The following WASF2 variants were observed in gnomAD, a reference collection of about 807,000 sequenced individuals.
WASF2 encodes the protein actin-binding protein WASF2.
Under a neutral mutation model 45.0 loss-of-function variants are expected in WASF2, and 14 were observed. The observed-to-expected ratio is 0.31, with a 90% CI of 0.21 to 0.49. The LOEUF is 0.49. Ranked by LOEUF, WASF2 falls within the 20% of genes least tolerant of loss-of-function variation. The pLI is 0.99. For synonymous variants in WASF2, 200 were observed against 236.3 expected, an observed-to-expected ratio of 0.85 and a Z score of 1.41; for missense variants, 439 against 636.1, an observed-to-expected ratio of 0.69 and a Z score of 3.33.
intron 1 of WASF2, among the ~76,000 whole-genome samples, chr1:27,461,827 T>A (rs2017549788): frequency 6.6e-6 from 1 of 151,804 alleles, no homozygotes; most frequent in South Asian, 2.1e-4. Flanking sequence ...TAGGCCTGGT[T>A]ATTTTTTGTA....
At chr1:27,477,534 C>T (rs1028270923) in intron 1 of WASF2, among the ~76,000 whole-genome samples, 6 of 151,782 alleles carry the variant, frequency 4.0e-5, no homozygotes, top group Non-Finnish European at 7.4e-5. Flanking sequence ...AGCAAGACTT[C>T]GTCTCAAAAA....
At chr1:27,465,427 T>C (rs910927324) in intron 1 of WASF2, among the ~76,000 whole-genome samples, 1 of 152,198 alleles carries the variant, frequency 6.6e-6, no homozygotes, top group South Asian at 2.1e-4. Context: ...GGTAACACTA[T>C]TAGCCTAGTT....
rs193023544 is a variant in WASF2 at position 27,465,475 on chromosome 1, A to G, written c.-44+24511T>C. ...TGAACTCAAAGTAACAGCTGCATCT[A>G]AAGAAAAATAACCTACAACACTCTC... On this transcript the variant is annotated intron_variant, in intron 1 of 8. Coordinates refer to ENST00000618852, the MANE Select transcript of WASF2 (RefSeq NM_006990.5). 4.2e-3 allele frequency among the ~76,000 whole-genome samples: 645 copies of G among 152,342 alleles called. 3 individuals are homozygous for G. Among genetic ancestry groups the G allele is most frequent in the Non-Finnish European group, 7.8e-3 (528 of 68,040 alleles).
At chr1:27,428,626 G>T in intron 2 of WASF2, 135 bp downstream of exon 2, 1 of 1,323,258 alleles carries the variant, frequency 7.6e-7, no homozygotes, top group Non-Finnish European at 1.1e-6. Flanking sequence ...CTTTGGGGAG[G>T]AGAGGGAGGA....
At chr1:27,484,760 C>T (rs553583625) in intron 1 of WASF2, among the ~76,000 whole-genome samples, 5 of 148,128 alleles carry the variant, frequency 3.4e-5, no homozygotes, top group South Asian at 4.4e-4. Flanking sequence ...TGCAGTTAGC[C>T]GAGATCACGC....
rs60315426 is a variant in WASF2 at position 27,489,252 on chromosome 1, G to GCACACA, written c.-44+728_-44+733dup. Among the ~76,000 whole-genome samples the GCACACA allele has an allele frequency of 4.9e-3, 392 of 80,280 alleles. 3 individuals are homozygous for GCACACA. Among genetic ancestry groups the GCACACA allele is most frequent in the East Asian group, 0.022 (42 of 1,896 alleles). 52.7% of individuals were successfully genotyped at this position (80,280 alleles called of 152,430 possible). On this transcript the variant is annotated intron_variant, in intron 1 of 8. Coordinates refer to ENST00000618852, the MANE Select transcript of WASF2 (RefSeq NM_006990.5). Reference sequence around the variant, plus strand: ...ACTCTGCAGACTATCCTGTACGCGCGCACACACACACACACACACACACAC... The same window carrying GCACACA: ...ACTCTGCAGACTATCCTGTACGCGCGCACACACACACACACACACACACACACACAC...
intron 4 of WASF2, among the ~76,000 whole-genome samples, chr1:27,416,911 G>C (rs951095542): frequency 2.0e-5 from 3 of 152,194 alleles, no homozygotes; most frequent in African/African-American, 7.2e-5. Context: ...ATGTGCTTAG[G>C]AGTGAACATT....
Position 27,463,953 on chromosome 1 carries a change from T to G in WASF2, c.-44+26033A>C, listed in dbSNP as rs2017582783. On this transcript the variant is annotated intron_variant, in intron 1 of 8. Transcript: ENST00000618852. ...CGCCCGGCTAATTATGTATTCTTAGTAGAGACAGGGTTTCTCCATGTTGGT... is the reference window on the plus strand; with the variant it reads ...CGCCCGGCTAATTATGTATTCTTAGGAGAGACAGGGTTTCTCCATGTTGGT... Among the ~76,000 whole-genome samples the G allele has an allele frequency of 2.0e-5, 3 of 151,624 alleles. No individual in the cohort carries two copies. The South Asian group carries it at 6.2e-4, about 31-fold the overall frequency.
intron 1 of WASF2, among the ~76,000 whole-genome samples, chr1:27,458,275 T>C (rs907077154): frequency 2.1e-4 from 26 of 124,142 alleles, no homozygotes; most frequent in African/African-American, 8.0e-4. Flanking sequence ...ATCGCGTCAC[T>C]GCCCTCCAGC....
At chr1:27,419,144 C>A in intron 2 of WASF2, 56 bp from the exon 3 acceptor site, 8 of 1,593,684 alleles carry the variant, frequency 5.0e-6, no homozygotes, top group East Asian at 2.2e-5. Flanking sequence ...TAAATGGTCA[C>A]AAAAACTGGC....
At chr1:27,413,150 T>C (rs767595309) in intron 6 of WASF2, among the ~76,000 whole-genome samples, 4 of 152,192 alleles carry the variant, frequency 2.6e-5, no homozygotes, top group Non-Finnish European at 4.4e-5. Flanking sequence ...AGACTGATTT[T>C]GAGGTCAGCA....
At chr1:27,486,668 AAT>A (rs1186298949) in intron 1 of WASF2, among the ~76,000 whole-genome samples, 15 of 152,184 alleles carry the variant, frequency 9.9e-5, no homozygotes, top group Non-Finnish European at 1.5e-5. Context: ...TCACGCCTGT[AAT>A]CCCAGCACTT....
intron 1 of WASF2, among the ~76,000 whole-genome samples, chr1:27,478,613 A>G (rs7521438): frequency 0.24 from 36,093 of 151,840 alleles, 7,213 homozygotes; most frequent in African/African-American, 0.54. Flanking sequence ...ATGGAGTTTC[A>G]CTCTTGTTGC....
intron 1 of WASF2, among the ~76,000 whole-genome samples, chr1:27,480,343 C>T (rs1238641450): frequency 2.6e-5 from 4 of 151,586 alleles, no homozygotes; most frequent in Non-Finnish European, 4.4e-5. Flanking sequence ...ATGGTGAAGC[C>T]CCATCTCTAC....
intron 1 of WASF2, among the ~76,000 whole-genome samples, chr1:27,470,153 T>C (rs1350729086): frequency 6.6e-6 from 1 of 152,084 alleles, no homozygotes; most frequent in South Asian, 2.1e-4. Context: ...TTTTGGGAAA[T>C]GAAGATGAGC....
chr1:27,487,650 ATT>A (rs2017960171), intron 1 of WASF2, among the ~76,000 whole-genome samples: 1 of 99,270 alleles, frequency 1.0e-5, no homozygotes, highest in African/African-American at 4.1e-5. Context: ...TATATTATAT[ATT>A]ATATAATATA....
chr1:27,431,065 G>A lies in WASF2; in HGVS notation c.-43-2132C>T, dbSNP rs549990543. Among the ~76,000 whole-genome samples, 12 of 152,282 alleles carry A rather than the reference G, an allele frequency of 7.9e-5. No homozygotes were observed. The East Asian group carries it at 1.9e-3, about 25-fold the overall frequency. Reference sequence around the variant, plus strand: ...TAAAACAGGAAGCCAGCAGCTTGGGGAACAAGATTTCCTGTCACCAACAGC... The same window carrying A: ...TAAAACAGGAAGCCAGCAGCTTGGGAAACAAGATTTCCTGTCACCAACAGC... On this transcript the variant is annotated intron_variant, in intron 1 of 8. Transcript: ENST00000618852.
intron 1 of WASF2, among the ~76,000 whole-genome samples, chr1:27,464,661 C>A (rs568428834): frequency 6.6e-6 from 1 of 152,168 alleles, no homozygotes; most frequent in African/African-American, 2.4e-5. Context: ...TGAGCTGATG[C>A]TACTGTTGAA....
At chr1:27,474,983 C>G (rs966784809) in intron 1 of WASF2, among the ~76,000 whole-genome samples, 1 of 151,184 alleles carries the variant, frequency 6.6e-6, no homozygotes, top group Non-Finnish European at 1.5e-5. Context: ...AAAATACACA[C>G]AAAACTCCTG....
Sources: allele counts gnomAD v4.1 joint callset (sites outside exome capture counted in the v4.1 genomes callset), GRCh38; gene constraint gnomAD v4.1.1; transcripts MANE v1.5; gene names NCBI Gene and HGNC (gene_info 2026-07-23, HGNC 2026-07-21).